NXPH1: variants seen among roughly 807,000 people sequenced by gnomAD.
NXPH1 encodes the protein neurexophilin 1.
A neutral mutation model predicts 23.7 loss-of-function variants in NXPH1; 5 were observed. That is an observed-to-expected ratio of 0.21 (90% CI 0.11 to 0.44). The LOEUF (loss-of-function observed/expected upper bound fraction) is 0.44, where lower values mean the gene tolerates loss of function less well. NXPH1 is among the 20% of genes least tolerant of loss of function. The probability of loss-of-function intolerance (pLI) is 0.99; values close to 1 mark genes in which losing one functional copy is unlikely to be tolerated. For missense variants in NXPH1, 324 were observed against 321.6 expected, an observed-to-expected ratio of 1.01 and a Z score of -0.06; for synonymous variants, 144 against 122.2, an observed-to-expected ratio of 1.18 and a Z score of -1.18.
intron 2 of NXPH1, among the ~76,000 whole-genome samples, chr7:8,511,948 C>A (rs965863560): frequency 6.6e-6 from 1 of 152,122 alleles, no homozygotes; most frequent in Non-Finnish European, 1.5e-5. Context: ...GAATGGATGA[C>A]CCTGCCCAGT....
intron 2 of NXPH1, among the ~76,000 whole-genome samples, chr7:8,663,170 C>A (rs912964490): frequency 6.6e-6 from 1 of 152,060 alleles, no homozygotes; most frequent in Admixed American, 6.6e-5. Context: ...TACATGGAGT[C>A]AATGTTTGTG....
At chr7:8,541,061 G>C (rs538824606) in intron 2 of NXPH1, among the ~76,000 whole-genome samples, 12 of 151,834 alleles carry the variant, frequency 7.9e-5, no homozygotes, top group Middle Eastern at 3.4e-3. Flanking sequence ...ATGTAAAGAA[G>C]CAGGAAAACA....
chr7:8,695,107 T>C (rs1446952569), intron 2 of NXPH1, among the ~76,000 whole-genome samples: 2 of 152,240 alleles, frequency 1.3e-5, no homozygotes, highest in Non-Finnish European at 2.9e-5. Flanking sequence ...GCTGATATTA[T>C]TCCAAATTTT....
intron 2 of NXPH1, among the ~76,000 whole-genome samples, chr7:8,486,871 T>A (rs1817167709): frequency 6.6e-6 from 1 of 152,162 alleles, no homozygotes; most frequent in Admixed American, 6.6e-5. Context: ...CTTCCTTAGT[T>A]AAACCATTCT....
intron 2 of NXPH1, among the ~76,000 whole-genome samples, chr7:8,457,116 C>T (rs932442528): frequency 7.9e-5 from 12 of 152,122 alleles, no homozygotes; most frequent in Non-Finnish European, 1.8e-4. Context: ...TTTAAAATGG[C>T]TTTTAAGTGG....
At chr7:8,601,118 G>C (rs557340543) in intron 2 of NXPH1, among the ~76,000 whole-genome samples, 10 of 152,064 alleles carry the variant, frequency 6.6e-5, no homozygotes, top group African/African-American at 2.4e-4. Context: ...TCCACAGGAG[G>C]TCCTGGAACC....
At chr7:8,530,788 T>G (rs1817939340) in intron 2 of NXPH1, among the ~76,000 whole-genome samples, 1 of 152,236 alleles carries the variant, frequency 6.6e-6, no homozygotes, top group African/African-American at 2.4e-5. Context: ...TGGTTTGTAC[T>G]ATAAAGTTAC....
chr7:8,439,704 T>C lies in NXPH1; in HGVS notation c.54+3937T>C, dbSNP rs550675040. 7.2e-5 allele frequency among the ~76,000 whole-genome samples: 11 copies of C among 152,300 alleles called. 1 individual carries two copies. Among genetic ancestry groups the C allele is most frequent in the South Asian group, 4.1e-4 (2 of 4,822 alleles). On this transcript the variant is annotated intron_variant, in intron 2 of 2. Transcript: ENST00000405863. ...CCTTAAAATGTGAATTCTACACCAA[T>C]TGTTTAATAGAGTTTGGAGAGTAAT... is the stretch of plus-strand genomic sequence containing the variant.
At chr7:8,449,957 G>A (rs548818761) in intron 2 of NXPH1, among the ~76,000 whole-genome samples, 5 of 152,262 alleles carry the variant, frequency 3.3e-5, no homozygotes, top group African/African-American at 1.2e-4. Context: ...GCTTCTGCTC[G>A]TGGCATGTGG....
At chr7:8,543,039 A>G (rs1408216967) in intron 2 of NXPH1, among the ~76,000 whole-genome samples, 1 of 151,588 alleles carries the variant, frequency 6.6e-6, no homozygotes, top group African/African-American at 2.4e-5. Context: ...ATTTACATGC[A>G]TTTGAGCTAT....
rs79588109 is a variant in NXPH1, at chr7:8,475,067, G to C, written c.54+39300G>C. Among the ~76,000 whole-genome samples the C allele has an allele frequency of 1.3e-3, 196 of 152,196 alleles. 2 individuals carry two copies. The East Asian group carries it at 0.032, about 25-fold the overall frequency. On this transcript the variant is annotated intron_variant, in intron 2 of 2. Coordinates refer to ENST00000405863, the MANE Select transcript of NXPH1 (RefSeq NM_152745.3). ...TGGTTTATGGAGAGGCACTCTGACTGGGGGGTGGGAAGAGGGTGTTGAGAA... is the reference window on the plus strand; with the variant it reads ...TGGTTTATGGAGAGGCACTCTGACTCGGGGGTGGGAAGAGGGTGTTGAGAA...
At chr7:8,578,845 A>G (rs1211928012) in intron 2 of NXPH1, among the ~76,000 whole-genome samples, 2 of 152,212 alleles carry the variant, frequency 1.3e-5, no homozygotes, top group Non-Finnish European at 2.9e-5. Context: ...GTTGAGCCTT[A>G]CAAGATTGCA....
chr7:8,738,682 C>T (rs62446358), intron 2 of NXPH1, among the ~76,000 whole-genome samples: 1 of 152,174 alleles, frequency 6.6e-6, no homozygotes. Flanking sequence ...TATTCAGAGC[C>T]AGCAGGCAGG....
chr7:8,540,168 T>C (rs1395950200), intron 2 of NXPH1, among the ~76,000 whole-genome samples: 2 of 151,728 alleles, frequency 1.3e-5, no homozygotes, highest in African/African-American at 2.4e-5. Context: ...CAGAATCACC[T>C]GGGAAATTTC....
chr7:8,589,624 G>A (rs983010837), intron 2 of NXPH1, among the ~76,000 whole-genome samples: 2 of 152,094 alleles, frequency 1.3e-5, no homozygotes, highest in Admixed American at 6.6e-5. Context: ...GACAGAGCAG[G>A]TGAGTGAGTC....
intron 2 of NXPH1, among the ~76,000 whole-genome samples, chr7:8,743,110 A>C (rs1326094443): frequency 6.6e-6 from 1 of 152,216 alleles, no homozygotes; most frequent in Non-Finnish European, 1.5e-5. Flanking sequence ...CACTAAAATG[A>C]AGTTGTAATC....
intron 2 of NXPH1, among the ~76,000 whole-genome samples, chr7:8,460,906 G>A (rs772783411): frequency 1.3e-5 from 2 of 152,210 alleles, no homozygotes; most frequent in Non-Finnish European, 2.9e-5. Context: ...AATAATCCAT[G>A]TGAAAGTACC....
chr7:8,618,657 G>T (rs894100086), intron 2 of NXPH1, among the ~76,000 whole-genome samples: 1 of 152,114 alleles, frequency 6.6e-6, no homozygotes, highest in African/African-American at 2.4e-5. Context: ...AAAGGAATCA[G>T]AATTTACCCT....
intron 2 of NXPH1, among the ~76,000 whole-genome samples, chr7:8,732,070 A>G (rs979194826): frequency 2.0e-5 from 3 of 152,242 alleles, no homozygotes; most frequent in Non-Finnish European, 4.4e-5. Flanking sequence ...CCCGTCGGAA[A>G]AGCGCAATAT....
Sources: gnomAD v4.1 joint callset for allele counts (sites outside exome capture counted in the v4.1 genomes callset) on GRCh38, gnomAD v4.1.1 for gene constraint, MANE v1.5 for transcripts, NCBI Gene and HGNC (gene_info 2026-07-23, HGNC 2026-07-21) for gene names.